The following TLN2 variants were observed in gnomAD, a reference collection of about 807,000 sequenced individuals.
TLN2 encodes talin-2.
In TLN2, 118 loss-of-function variants were observed where a neutral mutation model predicts 294.7. The observed-to-expected ratio is 0.40, with a 90% CI of 0.34 to 0.47. The LOEUF is 0.47. Ranked by LOEUF, TLN2 falls within the 20% of genes least tolerant of loss-of-function variation. TLN2 has a pLI of 0.84. For synonymous variants in TLN2, 1,431 were observed against 1,304.5 expected, an observed-to-expected ratio of 1.10 and a Z score of -2.09; for missense variants, 3,083 against 3,282.2, an observed-to-expected ratio of 0.94 and a Z score of 1.48.
chr15:62,462,192 G>C (rs388275), intron 1 of TLN2, among the ~76,000 whole-genome samples: 149,698 of 152,372 alleles, frequency 0.98, 73,587 homozygotes, highest in East Asian at 1. Flanking sequence ...CGAGATTGCG[G>C]CACTGCGCTG....
intron 12 of TLN2, chr15:62,687,975 T>C (rs1332923065): frequency 6.6e-6 from 1 of 152,182 alleles, no homozygotes; most frequent in African/African-American, 2.4e-5. Flanking sequence ...TATTTAGAAA[T>C]ACTAGAAGCA....
chr15:62,481,224 T>TC (rs2038072008), intron 1 of TLN2, among the ~76,000 whole-genome samples: 4 of 151,922 alleles, frequency 2.6e-5, no homozygotes, highest in Admixed American at 2.6e-4. Flanking sequence ...CTTTTTTCTT[T>TC]TTTTTTTCTC....
chr15:62,453,456 C>G (rs1022106428), intron 1 of TLN2: 1 of 152,132 alleles, frequency 6.6e-6, no homozygotes, highest in South Asian at 2.1e-4. Flanking sequence ...TGCTGGGCTA[C>G]CTGACTGCTA....
chr15:62,451,544 T>C (rs977697444), intron 1 of TLN2, among the ~76,000 whole-genome samples: 2 of 152,126 alleles, frequency 1.3e-5, no homozygotes, highest in African/African-American at 2.4e-5. Flanking sequence ...GTAGTCCCAG[T>C]TACTCAGGAG....
intron 1 of TLN2, among the ~76,000 whole-genome samples, chr15:62,446,152 G>A (rs770734497): frequency 5.3e-5 from 8 of 151,914 alleles, no homozygotes; most frequent in South Asian, 2.1e-4. Context: ...GACTACAGGC[G>A]CCCGCCACCA....
At chr15:62,803,013 T>C (rs2066038319) in intron 50 of TLN2, among the ~76,000 whole-genome samples, 1 of 152,238 alleles carries the variant, frequency 6.6e-6, no homozygotes, top group Non-Finnish European at 1.5e-5. Flanking sequence ...TTTCTCCCGT[T>C]CTGTGGGTTG....
At chr15:62,415,636 T>A (rs2034032382) in intron 1 of TLN2, among the ~76,000 whole-genome samples, 1 of 152,262 alleles carries the variant, frequency 6.6e-6, no homozygotes, top group Non-Finnish European at 1.5e-5. Context: ...AGTCCCGCTC[T>A]GCTGGGGTGA....
At chr15:62,677,017 C>G (rs1370172618) in intron 11 of TLN2, among the ~76,000 whole-genome samples, 1 of 152,220 alleles carries the variant, frequency 6.6e-6, no homozygotes, top group Non-Finnish European at 1.5e-5. Flanking sequence ...TCACGTTTCC[C>G]TGATTCACAG....
At chr15:62,823,546 A>T (rs1424825324) in intron 54 of TLN2, among the ~76,000 whole-genome samples, 1 of 152,166 alleles carries the variant, frequency 6.6e-6, no homozygotes, top group Non-Finnish European at 1.5e-5. Flanking sequence ...CCTTCTGGGG[A>T]GTATTCACAC....
intron 21 of TLN2, among the ~76,000 whole-genome samples, chr15:62,710,324 A>G (rs1463981255): frequency 1.3e-5 from 2 of 152,146 alleles, no homozygotes; most frequent in Admixed American, 6.5e-5. Flanking sequence ...ACAATTTGCA[A>G]CCCAACTAGT....
rs573059795 is a variant in TLN2 at position 62,833,826 on chromosome 15, C to G, written c.7128+197C>G. The G allele has an allele frequency of 9.4e-6, 6 of 637,704 alleles. No homozygotes were observed. The South Asian group carries it at 2.1e-4, about 22-fold the overall frequency. The allele number at this position is 637,704 out of a possible 1,614,324, so 39.5% of individuals were successfully genotyped here. ...CAGAATAAGAGGTTTGGCTTCTGGGCCTCTCATCTGCTTCTTGTTAAGGAA... is the reference window on the plus strand; with the variant it reads ...CAGAATAAGAGGTTTGGCTTCTGGGGCTCTCATCTGCTTCTTGTTAAGGAA... On this transcript the variant is annotated intron_variant, in intron 55 of 58. Transcript: ENST00000636159.
chr15:62,834,871 A>T (rs1218058350), intron 55 of TLN2: 1 of 152,232 alleles, frequency 6.6e-6, no homozygotes, highest in Non-Finnish European at 1.5e-5. Flanking sequence ...TAGAGAATCC[A>T]ACTTGGACAT....
At chr15:62,533,456 T>C (rs1407094928) in intron 1 of TLN2, among the ~76,000 whole-genome samples, 1 of 151,886 alleles carries the variant, frequency 6.6e-6, no homozygotes, top group Non-Finnish European at 1.5e-5. Context: ...GTTTGTAGCT[T>C]ATGTTTAGTT....
intron 1 of TLN2, among the ~76,000 whole-genome samples, chr15:62,466,505 T>A (rs1171841433): frequency 2.0e-5 from 3 of 152,236 alleles, no homozygotes; most frequent in African/African-American, 7.2e-5. Context: ...CAAAAACGTC[T>A]CCAGACATTG....
At chr15:62,522,978 ACTCTCT>A (rs58550834) in intron 1 of TLN2, among the ~76,000 whole-genome samples, 1 of 109,144 alleles carries the variant, frequency 9.2e-6, no homozygotes, top group Non-Finnish European at 1.7e-5. Context: ...ACACACACAC[ACTCTCT>A]CACTCACACT....
intron 1 of TLN2, among the ~76,000 whole-genome samples, chr15:62,394,172 G>A (rs1438192790): frequency 1.3e-5 from 2 of 152,184 alleles, no homozygotes; most frequent in East Asian, 1.9e-4. Flanking sequence ...TAGAAAACGA[G>A]TATGTGTTTT....
At chr15:62,753,686 GCTGC>G in intron 35 of TLN2, 83 bp from the exon 36 acceptor site, 1 of 1,465,140 alleles carries the variant, frequency 6.8e-7, no homozygotes, top group South Asian at 1.5e-5. Context: ...GAGTGTGACA[GCTGC>G]ATGTGTAGTG....
intron 28 of TLN2, among the ~76,000 whole-genome samples, chr15:62,734,520 A>C (rs2060901614): frequency 6.6e-6 from 1 of 152,182 alleles, no homozygotes; most frequent in Non-Finnish European, 1.5e-5. Flanking sequence ...AGCATCCTTC[A>C]ACCCTGTGCC....
At chr15:62,456,837 C>G (rs1475868158) in intron 1 of TLN2, among the ~76,000 whole-genome samples, 5 of 152,164 alleles carry the variant, frequency 3.3e-5, no homozygotes. Context: ...TTCTCCCTGG[C>G]TCTGTCTCAT....
Sources: gnomAD v4.1 joint callset for allele counts (sites outside exome capture counted in the v4.1 genomes callset) on GRCh38, gnomAD v4.1.1 for gene constraint, MANE v1.5 for transcripts, NCBI Gene and HGNC (gene_info 2026-07-23, HGNC 2026-07-21) for gene names.